ZC3H3: variants seen among roughly 807,000 people sequenced by gnomAD.
The protein encoded by ZC3H3 is zinc finger CCCH domain-containing protein 3.
A neutral mutation model predicts 77.3 loss-of-function variants in ZC3H3; 36 were observed. That is an observed-to-expected ratio of 0.47 (90% CI 0.36 to 0.61). ZC3H3 has a LOEUF of 0.61. ZC3H3 is among the 20% of genes least tolerant of loss of function. The pLI, the probability that ZC3H3 is intolerant of heterozygous loss-of-function variation, is 0.00. For missense variants in ZC3H3, 1,331 were observed against 1,312.2 expected (o/e 1.01, Z -0.22); for synonymous variants, 626 against 555.2 (o/e 1.13, Z -1.79).
chr8:143,498,131 T>C (rs1821407572), intron 4 of ZC3H3, among the ~76,000 whole-genome samples: 1 of 152,080 alleles, frequency 6.6e-6, no homozygotes, highest in Admixed American at 6.5e-5. Flanking sequence ...GCAGGGGCTG[T>C]GTCACGCAGC....
rs1273479581 is a variant in ZC3H3, at chr8:143,494,823, C to T, written c.1715+12923G>A. Among the ~76,000 whole-genome samples the T allele has an allele frequency of 6.6e-6, 1 of 152,224 alleles. No homozygotes were observed. Among genetic ancestry groups the T allele is most frequent in the Non-Finnish European group, 1.5e-5 (1 of 68,038 alleles). Reference sequence around the variant, plus strand: ...GAATGAGGAGCCAGAATACCGGCCACCAACGGGCAAACGGCCTGAGCAGAC... The same window carrying T: ...GAATGAGGAGCCAGAATACCGGCCATCAACGGGCAAACGGCCTGAGCAGAC... On this transcript the variant is annotated intron_variant, in intron 4 of 11. Transcript: ENST00000262577. The surrounding 1 kb of genome is among the most constrained non-coding windows in gnomAD (Gnocchi z 5.3).
intron 4 of ZC3H3, among the ~76,000 whole-genome samples, chr8:143,503,112 T>C (rs1821575041): frequency 6.6e-6 from 1 of 152,178 alleles, no homozygotes; most frequent in Non-Finnish European, 1.5e-5. Flanking sequence ...AGGTGGCACA[T>C]GGCCAGCACA....
chr8:143,442,553 G>C (rs908783776), intron 9 of ZC3H3, among the ~76,000 whole-genome samples: 1 of 152,024 alleles, frequency 6.6e-6, no homozygotes, highest in Non-Finnish European at 1.5e-5. Flanking sequence ...GTTCACAAAG[G>C]GGCAGGACTG....
At chr8:143,537,458 G>C (rs1459588108) in intron 2 of ZC3H3, among the ~76,000 whole-genome samples, 1 of 152,090 alleles carries the variant, frequency 6.6e-6, no homozygotes, top group East Asian at 1.9e-4. Context: ...CTGAGGGCCA[G>C]CAAAGGCCAG....
chr8:143,440,169 G>T lies in ZC3H3; in HGVS notation c.2687C>A (p.Ala896Asp). Residue 896 changes from alanine (A) to aspartate (D), a missense_variant, in exon 11 of 12, where the codon GCT becomes GAT. Ala to Asp is a moderately radical substitution (Grantham distance 126). Transcript: ENST00000262577. ...GTTGGAGCACGCTGCTGCTAAGGCA[G>T]CCTCCTGGAGAGATGGTGCCTCGTG... ...LDHEAPSLQE[A>D]ALAAACSNRL... The T allele has an allele frequency of 6.2e-7, 1 of 1,612,028 alleles. No individual in the cohort carries two copies. Among genetic ancestry groups the T allele is most frequent in the South Asian group, 1.1e-5 (1 of 90,780 alleles).
rs778794510 is a variant in ZC3H3 at position 143,538,542 on chromosome 8, C to T, written c.825G>A (p.Pro275=). 1.2e-4 allele frequency: 195 copies of T among 1,611,790 alleles called. No homozygotes were observed. The highest frequency in any genetic ancestry group is 1.6e-4 in the Non-Finnish European group (188 of 1,180,022). The change falls in exon 2 of 12, where the codon CCG becomes CCA. Residue 275 remains proline, a synonymous_variant. Coordinates refer to ENST00000262577, the MANE Select transcript of ZC3H3 (RefSeq NM_015117.3). ...VDAGHTDQPV[P]SGSVGGPARP... is the part of the protein sequence containing the mutation. Reference sequence around the variant, plus strand: ...TGGCGGGGCCCCCCACTGAGCCAGACGGAACTGGCTGATCTGTGTGGCCAG... The same window carrying T: ...TGGCGGGGCCCCCCACTGAGCCAGATGGAACTGGCTGATCTGTGTGGCCAG...
At chr8:143,458,826 G>A (rs1222339377) in intron 9 of ZC3H3, among the ~76,000 whole-genome samples, 3 of 137,298 alleles carry the variant, frequency 2.2e-5, no homozygotes, top group Non-Finnish European at 4.8e-5. Flanking sequence ...AGGATCACTT[G>A]AGCCCAGGAC....
Position 143,446,900 on chromosome 8 carries a change from G to A in ZC3H3, c.2308-5780C>T, listed in dbSNP as rs138891756. Among the ~76,000 whole-genome samples, 1,019 of 152,370 alleles carry A rather than the reference G, an allele frequency of 6.7e-3. 14 individuals are homozygous for A. Among genetic ancestry groups the A allele is most frequent in the African/African-American group, 0.021 (881 of 41,594 alleles). ...AATTGGTCGTCTGCCTTTTCTATCA[G>A]CACCAAGACAGTGGAGAGCCTCAGG... On this transcript the variant is annotated intron_variant, in intron 9 of 11. Coordinates refer to ENST00000262577, the MANE Select transcript of ZC3H3 (RefSeq NM_015117.3).
At chr8:143,458,220 T>G (rs1405967127) in intron 9 of ZC3H3, among the ~76,000 whole-genome samples, 1 of 152,216 alleles carries the variant, frequency 6.6e-6, no homozygotes, top group Non-Finnish European at 1.5e-5. Context: ...CACATAAAAT[T>G]GACCACTTAG....
At chr8:143,529,722 A>G (rs1822541020) in intron 3 of ZC3H3, among the ~76,000 whole-genome samples, 1 of 152,166 alleles carries the variant, frequency 6.6e-6, no homozygotes. Context: ...GAGGGACCCC[A>G]GCCTCTCAGG....
At chr8:143,444,699 T>C (rs1355509551) in intron 9 of ZC3H3, among the ~76,000 whole-genome samples, 2 of 152,228 alleles carry the variant, frequency 1.3e-5, no homozygotes, top group African/African-American at 2.4e-5. Context: ...AAATTAGTGA[T>C]TGAAGGTAAC....
chr8:143,497,882 G>A (rs1169043442), intron 4 of ZC3H3, among the ~76,000 whole-genome samples: 1 of 152,214 alleles, frequency 6.6e-6, no homozygotes, highest in African/African-American at 2.4e-5. Flanking sequence ...GGCTTTCTGG[G>A]GCTCCCCGGT....
At chr8:143,524,109 G>A (rs1419628791) in intron 3 of ZC3H3, among the ~76,000 whole-genome samples, 1 of 152,248 alleles carries the variant, frequency 6.6e-6, no homozygotes, top group East Asian at 1.9e-4. Flanking sequence ...AGGGGCAAGT[G>A]TGCCTGGGAG....
At chr8:143,490,409 C>G (rs1489123575) in intron 4 of ZC3H3, among the ~76,000 whole-genome samples, 1 of 152,218 alleles carries the variant, frequency 6.6e-6, no homozygotes, top group Non-Finnish European at 1.5e-5. Flanking sequence ...TGTCCACATG[C>G]CAACTGCAGT....
chr8:143,489,993 T>A (rs1324629827), intron 4 of ZC3H3, among the ~76,000 whole-genome samples: 2 of 152,168 alleles, frequency 1.3e-5, no homozygotes, highest in East Asian at 3.9e-4. Context: ...TCTCTGGAAC[T>A]GCAGCCCACA....
intron 9 of ZC3H3, among the ~76,000 whole-genome samples, chr8:143,450,827 G>A (rs956001415): frequency 3.9e-5 from 6 of 152,124 alleles, no homozygotes; most frequent in Non-Finnish European, 7.3e-5. Flanking sequence ...ATGATAATTC[G>A]ACATGAGATT....
intron 4 of ZC3H3, among the ~76,000 whole-genome samples, chr8:143,498,797 G>A (rs180677493): frequency 2.4e-5 from 3 of 123,944 alleles, no homozygotes; most frequent in African/African-American, 1.1e-4. Context: ...GGGGTACAGG[G>A]CGGGGCGGAG....
intron 4 of ZC3H3, among the ~76,000 whole-genome samples, chr8:143,489,639 CGCCT>C (rs1821144976): frequency 6.6e-6 from 1 of 152,226 alleles, no homozygotes; most frequent in Non-Finnish European, 1.5e-5. Context: ...TATGCCCGCC[CGCCT>C]ATGCTTTATG....
At chr8:143,527,234 TGCACTTG>T in intron 3 of ZC3H3, among the ~76,000 whole-genome samples, 1 of 152,224 alleles carries the variant, frequency 6.6e-6, no homozygotes, top group Non-Finnish European at 1.5e-5. Flanking sequence ...ACAGGTGTCC[TGCACTTG>T]ATTCAAAGTC....
Sources: gnomAD v4.1 joint callset for allele counts (sites outside exome capture counted in the v4.1 genomes callset) on GRCh38, gnomAD v4.1.1 for gene constraint, Gnocchi (gnomAD v3.1) non-coding constraint, MANE v1.5 for transcripts, NCBI Gene and HGNC (gene_info 2026-07-23, HGNC 2026-07-21) for gene names.